The following MOSPD2 variants were observed in gnomAD, a reference collection of about 807,000 sequenced individuals.
MOSPD2 encodes the protein motile sperm domain-containing protein 2.
Under a neutral mutation model 41.7 loss-of-function variants are expected in MOSPD2, and 5 were observed. The ratio of observed to expected loss-of-function variants is 0.12; its 90% CI spans 0.06 to 0.25. The LOEUF (loss-of-function observed/expected upper bound fraction) is 0.25. Among genes scored for constraint, MOSPD2 ranks in the 10% least tolerant of loss-of-function variants. The pLI is 1.00. For missense variants in MOSPD2, 282 were observed against 375.2 expected (o/e 0.75, Z 2.05); for synonymous variants, 115 against 126.9 (o/e 0.91, Z 0.63).
At position 14,899,360 on chromosome X, in the gene MOSPD2, T is replaced by G. The variant is rs995301256; in HGVS notation, c.478-1215T>G. On this transcript the variant is annotated intron_variant, in intron 5 of 14. Transcript: ENST00000380492. ...AACAAGAATGTTATTCCAAGACTAT[T>G]TAGACAAAGTCTCTGGGGGCCATAA... 2.8e-5 allele frequency among the ~76,000 whole-genome samples: 3 copies of G among 108,969 alleles called. No homozygotes were observed. The Admixed American group carries it at 3.0e-4, about 11-fold the overall frequency. 94.6% of individuals were successfully genotyped at this position (108,969 alleles called of 115,157 possible).
Position 14,895,324 on chromosome X carries a change from C to T in MOSPD2, c.252C>T (p.Ser84=). Reference sequence around the variant, plus strand: ...ACTTTTTAGACCTTAATGAATCCTCCATTCCCAGATGGTTATTGGAAATTG... The same window carrying T: ...ACTTTTTAGACCTTAATGAATCCTCTATTCCCAGATGGTTATTGGAAATTG... ...EISVNDLNES[S]IPRWLLEIGV... The change falls in exon 4 of 15, where the codon TCC becomes TCT. Residue 84 remains serine, a synonymous_variant. Coordinates refer to ENST00000380492, the MANE Select transcript of MOSPD2 (RefSeq NM_152581.4). 1 of 1,167,533 alleles carries T rather than the reference C, an allele frequency of 8.6e-7. No individual in the cohort carries two copies. The highest frequency in any genetic ancestry group is 1.2e-6 in the Non-Finnish European group (1 of 858,078).
At chrX:14,912,933 T>C (rs751401810) in intron 10 of MOSPD2, among the ~76,000 whole-genome samples, 3 of 112,342 alleles carry the variant, frequency 2.7e-5, no homozygotes, top group Non-Finnish European at 5.6e-5. Context: ...TATGATCTCA[T>C]GTAGCATTTT....
intron 2 of MOSPD2, chrX:14,873,977 T>C: frequency 2.4e-6 from 1 of 416,303 alleles, no homozygotes; most frequent in Non-Finnish European, 4.2e-6. Flanking sequence ...AAAGGGTTAA[T>C]GTAAGTTGGA....
intron 8 of MOSPD2, among the ~76,000 whole-genome samples, chrX:14,910,900 T>C (rs188725431): frequency 9.3e-6 from 1 of 107,674 alleles, no homozygotes; most frequent in African/African-American, 3.4e-5. Flanking sequence ...CTCTTCTGTA[T>C]TGTTACAGAA....
chrX:14,908,420 T>A (rs2092586007), intron 7 of MOSPD2, among the ~76,000 whole-genome samples: 1 of 112,040 alleles, frequency 8.9e-6, no homozygotes, highest in South Asian at 3.7e-4. Context: ...GGCTATTTCT[T>A]TCTTTCTTTT....
rs921499176 is a variant in MOSPD2, at chrX:14,922,025, TG to T, written c.*2217del. On this transcript the variant is annotated 3_prime_UTR_variant, in exon 15 of 15. Coordinates refer to ENST00000380492, the MANE Select transcript of MOSPD2 (RefSeq NM_152581.4). ...CCTTGATCTGCAAGTAGCCTAAAAA[TG>T]CGATTGCTGGTAAACCTGGCCTCAA... The T allele has an allele frequency of 9.0e-6, 1 of 111,522 alleles. No homozygotes were observed. Among genetic ancestry groups the T allele is most frequent in the African/African-American group, 3.3e-5 (1 of 30,645 alleles). The allele number at this position is 111,522 out of a possible 1,213,427, so 9.2% of individuals were successfully genotyped here. A position where few individuals can be genotyped will look rare whatever the true frequency, so the allele number is the denominator to read the frequency against.
intron 4 of MOSPD2, among the ~76,000 whole-genome samples, 188 bp downstream of exon 4, chrX:14,895,582 A>G (rs138946591): frequency 8.9e-5 from 10 of 111,919 alleles, no homozygotes; most frequent in African/African-American, 3.2e-4. Flanking sequence ...TGTTTGCATT[A>G]TAATAAAGTA....
chrX:14,878,745 A>T (rs5934195), intron 2 of MOSPD2, among the ~76,000 whole-genome samples: 22,120 of 111,089 alleles, frequency 0.2, 2,034 homozygotes, highest in Non-Finnish European at 0.28. Flanking sequence ...CATGTGCACA[A>T]CGTGCAGGTT....
chrX:14,894,104 T>C (rs145723515), intron 3 of MOSPD2, among the ~76,000 whole-genome samples: 1 of 110,929 alleles, frequency 9.0e-6, no homozygotes, highest in Non-Finnish European at 1.9e-5. Context: ...ACATTTTTTG[T>C]TTTCTTTTCT....
intron 2 of MOSPD2, 85 bp from the exon 3 acceptor site, chrX:14,892,638 A>G: frequency 1.4e-6 from 1 of 716,819 alleles, no homozygotes; most frequent in Non-Finnish European, 2.1e-6. Context: ...TTGTCTTGGA[A>G]GTCTTTCTTC....
chrX:14,901,749 C>A (rs904124633), intron 6 of MOSPD2, among the ~76,000 whole-genome samples: 1 of 110,221 alleles, frequency 9.1e-6, no homozygotes, highest in Non-Finnish European at 1.9e-5. Context: ...GAATCACTAC[C>A]CCATAGTTTT....
At chrX:14,878,620 G>A (rs1174476434) in intron 2 of MOSPD2, among the ~76,000 whole-genome samples, 2 of 111,301 alleles carry the variant, frequency 1.8e-5, no homozygotes, top group Admixed American at 9.5e-5. Flanking sequence ...AGGTTGGTGC[G>A]AAAGTAATTG....
intron 7 of MOSPD2, among the ~76,000 whole-genome samples, chrX:14,906,101 T>G (rs1251225026): frequency 9.0e-6 from 1 of 111,544 alleles, no homozygotes; most frequent in Non-Finnish European, 1.9e-5. Context: ...AAAATTCATA[T>G]GAAAATGCAA....
intron 2 of MOSPD2, among the ~76,000 whole-genome samples, chrX:14,891,921 C>T (rs1458830359): frequency 4.5e-5 from 5 of 111,665 alleles, no homozygotes; most frequent in African/African-American, 1.6e-4. Flanking sequence ...TAAAGCACAA[C>T]TTAGTTATTT....
At chrX:14,878,753 G>T (rs2147477474) in intron 2 of MOSPD2, among the ~76,000 whole-genome samples, 1 of 111,422 alleles carries the variant, frequency 9.0e-6, no homozygotes, top group African/African-American at 3.3e-5. Context: ...CAACGTGCAG[G>T]TTTGTTACAT....
intron 2 of MOSPD2, among the ~76,000 whole-genome samples, chrX:14,886,889 G>A (rs1329997865): frequency 8.9e-6 from 1 of 112,194 alleles, no homozygotes; most frequent in Admixed American, 9.4e-5. Flanking sequence ...CATTATAAAA[G>A]ATTACCTGTC....
intron 2 of MOSPD2, chrX:14,885,336 T>C (rs1602024120): frequency 9.0e-6 from 1 of 111,533 alleles, no homozygotes; most frequent in Non-Finnish European, 1.9e-5. Context: ...GATAGGAAAC[T>C]AGAATAACAC....
At chrX:14,882,051 T>C (rs987034020) in intron 2 of MOSPD2, among the ~76,000 whole-genome samples, 2 of 110,004 alleles carry the variant, frequency 1.8e-5, no homozygotes, top group Non-Finnish European at 3.8e-5. Flanking sequence ...TTAGGAGATA[T>C]ACCTAATGTA....
intron 6 of MOSPD2, among the ~76,000 whole-genome samples, chrX:14,901,734 G>C (rs945545114): frequency 1.8e-5 from 2 of 110,643 alleles, no homozygotes; most frequent in African/African-American, 6.6e-5. Context: ...TCATTGGTCA[G>C]TAGGGAATCA....
Sources: gnomAD v4.1 joint callset for allele counts (sites outside exome capture counted in the v4.1 genomes callset) on GRCh38, gnomAD v4.1.1 for gene constraint, MANE v1.5 for transcripts, NCBI Gene and HGNC (gene_info 2026-07-23, HGNC 2026-07-21) for gene names.